Variants in MED12L observed in about 807,000 individuals in gnomAD.
MED12L encodes the protein mediator of RNA polymerase II transcription subunit 12-like protein.
In MED12L, 60 loss-of-function variants were observed where a neutral mutation model predicts 281.3. That is an observed-to-expected ratio of 0.21 (90% confidence interval 0.17 to 0.26). The LOEUF is 0.26. MED12L is among the 10% of genes least tolerant of loss of function. The pLI is 1.00. For missense variants in MED12L, 2,146 were observed against 2,680.9 expected (o/e 0.80, Z 4.41); for synonymous variants, 974 against 987.2 (o/e 0.99, Z 0.25).
chr3:151,376,324 A>G (rs1756849702), intron 28 of MED12L, 110 bp downstream of exon 28: 1 of 877,780 alleles, frequency 1.1e-6, no homozygotes, highest in South Asian at 3.1e-5. Context: ...TTCAATTCTG[A>G]TTTTTATTCC....
chr3:151,309,590 G>A (rs983082703), intron 16 of MED12L, among the ~76,000 whole-genome samples: 3 of 152,056 alleles, frequency 2.0e-5, no homozygotes, highest in Non-Finnish European at 2.9e-5. Context: ...TCCCTATACC[G>A]CCTTCAGGTG....
chr3:151,387,017 T>C (rs943083777), intron 36 of MED12L, among the ~76,000 whole-genome samples: 1 of 152,160 alleles, frequency 6.6e-6, no homozygotes, highest in Non-Finnish European at 1.5e-5. Flanking sequence ...GCCTGAACCT[T>C]AGTTTTAGAT....
chr3:151,328,679 G>A, intron 16 of MED12L: 2 of 1,613,776 alleles, frequency 1.2e-6, no homozygotes, highest in Non-Finnish European at 1.7e-6. Context: ...CACATACATG[G>A]TCTCATAAAA....
rs1434319624 is a variant in MED12L, at chr3:151,435,741, A to G, written c.*2937A>G. The stretch of plus-strand genomic sequence containing the variant: ...TATTCCCCAAATTAATTCAGGTTGA[A>G]TTAAGCATGTAATATAAATTCAGTG... On this transcript the variant is annotated 3_prime_UTR_variant, in exon 45 of 45. Transcript: ENST00000687756. 1 of 152,190 alleles carries G rather than the reference A, an allele frequency of 6.6e-6. No individual in the cohort carries two copies. The highest frequency in any genetic ancestry group is 1.5e-5 in the Non-Finnish European group (1 of 68,024). The allele number at this position is 152,190 out of a possible 1,614,324, so 9.4% of individuals were successfully genotyped here. A position where few individuals can be genotyped will look rare whatever the true frequency, so the allele number is the denominator to read the frequency against.
chr3:151,334,905 C>G (rs974843309), intron 16 of MED12L, among the ~76,000 whole-genome samples: 20 of 152,164 alleles, frequency 1.3e-4, no homozygotes, highest in Non-Finnish European at 1.5e-5. Context: ...TGAAAGCAGC[C>G]ATGGATAAAA....
chr3:151,238,355 C>T (rs1733362245), intron 16 of MED12L, among the ~76,000 whole-genome samples: 1 of 152,182 alleles, frequency 6.6e-6, no homozygotes, highest in South Asian at 2.1e-4. Context: ...CCTTGTTGGT[C>T]AGGCTGGTCT....
At position 151,359,027 on chromosome 3, in the gene MED12L, T is replaced by G. The variant is rs148222779; in HGVS notation, c.2826-1447T>G. ...AGGTTTCAGGTTATGATTGAAACCA[T>G]CAGGAAGTGAGCATAGTACTCAGTA... On this transcript the variant is annotated intron_variant, in intron 20 of 44. Transcript: ENST00000687756. Among the ~76,000 whole-genome samples the G allele has an allele frequency of 5.6e-4, 86 of 152,278 alleles. 1 individual carries two copies. Among genetic ancestry groups the G allele is most frequent in the Admixed American group, 1.4e-3 (22 of 15,286 alleles).
intron 16 of MED12L, among the ~76,000 whole-genome samples, chr3:151,296,873 A>G (rs560104503): frequency 2.0e-5 from 3 of 152,260 alleles, no homozygotes; most frequent in East Asian, 3.9e-4. Context: ...TAACACCATG[A>G]ATTTAAGCCC....
chr3:151,193,490 A>AT lies in MED12L; in HGVS notation c.2080dup (p.Ser694PhefsTer9). 1.2e-6 allele frequency: 2 copies of AT among 1,609,586 alleles called. No homozygotes were observed. The highest frequency in any genetic ancestry group is 1.7e-6 in the Non-Finnish European group (2 of 1,177,678). On this transcript the variant is annotated frameshift_variant and splice_region_variant, in exon 16 of 45. Transcript: ENST00000687756. LOFTEE classifies it high-confidence loss of function. ...CCAACATTTGTTTTACATGACTTAG[A>AT]TTTTTTCTCCTATGCCTGGAGAATC...
At chr3:151,411,915 A>G (rs1716983983) in intron 41 of MED12L, among the ~76,000 whole-genome samples, 1 of 152,252 alleles carries the variant, frequency 6.6e-6, no homozygotes. Context: ...TTGCAATACT[A>G]ATTGTGCATG....
intron 4 of MED12L, among the ~76,000 whole-genome samples, chr3:151,124,785 C>A (rs1392604122): frequency 6.6e-6 from 1 of 152,172 alleles, no homozygotes; most frequent in Non-Finnish European, 1.5e-5. Context: ...GACCTTTTAA[C>A]TCAATCACAA....
chr3:151,295,206 C>T lies in MED12L; in HGVS notation c.2251-54853C>T, dbSNP rs369844880. Reference sequence around the variant, plus strand: ...TTGTGACTCTCTTGGCCGTGCAGCTCGTTATCTGTAGGAGAAGTGGGGAGA... The same window carrying T: ...TTGTGACTCTCTTGGCCGTGCAGCTTGTTATCTGTAGGAGAAGTGGGGAGA... On this transcript the variant is annotated intron_variant, in intron 16 of 44. Coordinates refer to ENST00000687756, the MANE Select transcript of MED12L (RefSeq NM_001393769.1). 41 of 1,602,252 alleles carry T rather than the reference C, an allele frequency of 2.6e-5. No individual in the cohort carries two copies. Among genetic ancestry groups the T allele is most frequent in the South Asian group, 3.3e-5 (3 of 90,696 alleles).
At position 151,295,059 on chromosome 3, in the gene MED12L, C is replaced by T. The variant is rs758903048; in HGVS notation, c.2251-55000C>T. 4 of 1,613,766 alleles carry T rather than the reference C, an allele frequency of 2.5e-6. No homozygotes were observed. The South Asian group carries it at 4.4e-5, about 18-fold the overall frequency. On this transcript the variant is annotated intron_variant, in intron 16 of 44. Transcript: ENST00000687756. ...CTAATGTGGAAGAAGATCCACACTGCTAAACCATTCAGCAAGATGCTTGCC... is the reference window on the plus strand; with the variant it reads ...CTAATGTGGAAGAAGATCCACACTGTTAAACCATTCAGCAAGATGCTTGCC...
intron 32 of MED12L, among the ~76,000 whole-genome samples, chr3:151,381,592 C>G (rs1181249516): frequency 6.6e-6 from 1 of 152,186 alleles, no homozygotes; most frequent in Non-Finnish European, 1.5e-5. Context: ...ATGGCCTGCT[C>G]CCTTCATTCA....
At chr3:151,249,897 C>T (rs1736497586) in intron 16 of MED12L, among the ~76,000 whole-genome samples, 1 of 152,156 alleles carries the variant, frequency 6.6e-6, no homozygotes, top group African/African-American at 2.4e-5. Flanking sequence ...TGAATTCATC[C>T]AGTTTAGGGC....
intron 16 of MED12L, among the ~76,000 whole-genome samples, chr3:151,296,852 T>C (rs1272324081): frequency 6.6e-6 from 1 of 152,186 alleles, no homozygotes; most frequent in Admixed American, 6.5e-5. Flanking sequence ...GGAATGGTTT[T>C]GTTATAGAGA....
chr3:151,400,627 C>T (rs1301558688), intron 39 of MED12L, among the ~76,000 whole-genome samples: 1 of 152,178 alleles, frequency 6.6e-6, no homozygotes. Flanking sequence ...GTCAGAACCT[C>T]CCAGAGCTGT....
intron 16 of MED12L, among the ~76,000 whole-genome samples, chr3:151,285,047 G>T (rs1022725132): frequency 1.1e-4 from 16 of 152,152 alleles, no homozygotes; most frequent in Non-Finnish European, 2.1e-4. Flanking sequence ...TTGATAAAAA[G>T]AAACAAAATA....
intron 2 of MED12L, among the ~76,000 whole-genome samples, chr3:151,107,647 A>C (rs1722243177): frequency 6.6e-6 from 1 of 152,226 alleles, no homozygotes; most frequent in South Asian, 2.1e-4. Flanking sequence ...CATATAATAA[A>C]ATAGATTAAA....
Sources: gnomAD v4.1 joint callset for allele counts (sites outside exome capture counted in the v4.1 genomes callset) on GRCh38, gnomAD v4.1.1 for gene constraint, MANE v1.5 for transcripts, NCBI Gene and HGNC (gene_info 2026-07-23, HGNC 2026-07-21) for gene names.